DGKB: variants seen among roughly 807,000 people sequenced by gnomAD.
DGKB encodes 90 kDa diacylglycerol kinase.
A neutral mutation model predicts 114.3 loss-of-function variants in DGKB; 67 were observed. The observed-to-expected ratio is 0.59, with a 90% confidence interval of 0.48 to 0.72. DGKB has a LOEUF of 0.72. Ranked by LOEUF, DGKB falls within the 30% of genes least tolerant of loss-of-function variation. The probability of loss-of-function intolerance (pLI) is 0.00; values close to 1 mark genes in which losing one functional copy is unlikely to be tolerated. For synonymous variants in DGKB, 398 were observed against 323.1 expected (o/e 1.23, Z -2.49); for missense variants, 907 against 975.2 (o/e 0.93, Z 0.93).
In DGKB at chr7:14,598,146, A is replaced by G. The variant is rs374367926; in HGVS notation, c.1433+9288T>C. ...CACCTTCATCCAAATGAACTTCCAA[A>G]AAACTTTATTTAGAGTGCATGAATT... On this transcript the variant is annotated intron_variant, in intron 17 of 25. Coordinates refer to ENST00000402815, the MANE Select transcript of DGKB (RefSeq NM_001350709.2). Among the ~76,000 whole-genome samples, 250 of 152,280 alleles carry G rather than the reference A, an allele frequency of 1.6e-3. 1 individual carries two copies. Among genetic ancestry groups the G allele is most frequent in the South Asian group, 8.1e-3 (39 of 4,826 alleles).
chr7:14,567,486 A>AAT, intron 20 of DGKB, among the ~76,000 whole-genome samples: 2 of 73,922 alleles, frequency 2.7e-5, no homozygotes, highest in African/African-American at 5.2e-5. Context: ...ATATATATTT[A>AAT]TATATTATAT....
intron 2 of DGKB, among the ~76,000 whole-genome samples, chr7:14,839,472 G>A (rs1343099610): frequency 6.7e-6 from 1 of 149,174 alleles, no homozygotes; most frequent in East Asian, 2.0e-4. Flanking sequence ...TGGCACAATG[G>A]CTCACTGCAG....
At chr7:14,712,548 G>C (rs982567347) in intron 6 of DGKB, among the ~76,000 whole-genome samples, 1 of 152,126 alleles carries the variant, frequency 6.6e-6, no homozygotes, top group African/African-American at 2.4e-5. Flanking sequence ...ACACATGCCT[G>C]TAATCCCAGC....
chr7:14,362,074 C>T (rs1472817460), intron 21 of DGKB, among the ~76,000 whole-genome samples: 1 of 151,944 alleles, frequency 6.6e-6, no homozygotes, highest in Non-Finnish European at 1.5e-5. Flanking sequence ...TTTAGATACG[C>T]TTTCTATACT....
At chr7:14,626,279 A>G (rs1308438938) in intron 14 of DGKB, among the ~76,000 whole-genome samples, 1 of 152,140 alleles carries the variant, frequency 6.6e-6, no homozygotes, top group Non-Finnish European at 1.5e-5. Context: ...TTTTTGTCCA[A>G]TCTCAGCATG....
At chr7:14,908,117 A>G (rs1470809262), upstream of DGKB, among the ~76,000 whole-genome samples, 1 of 152,216 alleles carries the variant, frequency 6.6e-6, no homozygotes, top group Non-Finnish European at 1.5e-5. Flanking sequence ...TCATCCACAC[A>G]GTGTTCCTGA....
chr7:14,227,933 A>G, intron 23 of DGKB, among the ~76,000 whole-genome samples: 1 of 152,184 alleles, frequency 6.6e-6, no homozygotes. Flanking sequence ...GTTTAGCAAG[A>G]TTTTTGTTAT....
intron 1 of DGKB, among the ~76,000 whole-genome samples, chr7:14,925,866 C>G (rs541377859): frequency 1.2e-5 from 1 of 80,324 alleles, no homozygotes; most frequent in Non-Finnish European, 2.7e-5. Flanking sequence ...ATAATTGGGT[C>G]CCCCCCCCAC....
chr7:14,854,539 A>G lies in DGKB; in HGVS notation c.-187-13089T>C, dbSNP rs945792103. Among the ~76,000 whole-genome samples, 6 of 152,308 alleles carry G rather than the reference A, an allele frequency of 3.9e-5. No individual in the cohort carries two copies. The East Asian group carries it at 1.2e-3, about 29-fold the overall frequency. On this transcript the variant is annotated intron_variant, in intron 1 of 25. Coordinates refer to ENST00000402815, the MANE Select transcript of DGKB (RefSeq NM_001350709.2). ...CATTAGATTCTCATAAGGAGTACAT[A>G]ACCTAGATTCTTCACATACACAGTT...
chr7:14,247,564 C>T (rs562790034), intron 23 of DGKB, among the ~76,000 whole-genome samples: 5 of 152,150 alleles, frequency 3.3e-5, no homozygotes, highest in South Asian at 2.1e-4. Flanking sequence ...GGTGATATCT[C>T]ATTGTGATTT....
intron 21 of DGKB, among the ~76,000 whole-genome samples, chr7:14,379,708 T>C (rs997575482): frequency 6.6e-6 from 1 of 152,122 alleles, no homozygotes; most frequent in Non-Finnish European, 1.5e-5. Flanking sequence ...TACAGGCACG[T>C]GCCACCACGC....
At chr7:14,492,245 A>G (rs1295654406) in intron 20 of DGKB, among the ~76,000 whole-genome samples, 9 of 152,048 alleles carry the variant, frequency 5.9e-5, no homozygotes, top group African/African-American at 2.2e-4. Context: ...TCCTATGGGC[A>G]GTAGAGAAAG....
At chr7:14,768,426 G>T (rs1299413899) in intron 2 of DGKB, among the ~76,000 whole-genome samples, 1 of 147,780 alleles carries the variant, frequency 6.8e-6, no homozygotes, top group African/African-American at 2.6e-5. Context: ...ACTCTTCCAG[G>T]TACAGCATTC....
chr7:14,873,010 G>C (rs1852713054), intron 1 of DGKB, among the ~76,000 whole-genome samples: 1 of 151,978 alleles, frequency 6.6e-6, no homozygotes, highest in East Asian at 1.9e-4. Flanking sequence ...TGCCTCCGAT[G>C]CCAAAGTGTA....
intron 21 of DGKB, among the ~76,000 whole-genome samples, chr7:14,398,367 C>A (rs911573802): frequency 2.6e-5 from 4 of 151,952 alleles, no homozygotes; most frequent in African/African-American, 9.7e-5. Context: ...TAATGAACAT[C>A]AGTAGGATCT....
chr7:14,643,011 G>C (rs769683134), intron 13 of DGKB, among the ~76,000 whole-genome samples: 1 of 152,100 alleles, frequency 6.6e-6, no homozygotes, highest in Non-Finnish European at 1.5e-5. Flanking sequence ...GAGGAACCTA[G>C]CACTCATCTC....
At chr7:14,581,621 G>C (rs1354793038) in intron 18 of DGKB, among the ~76,000 whole-genome samples, 1 of 152,104 alleles carries the variant, frequency 6.6e-6, no homozygotes, top group Non-Finnish European at 1.5e-5. Context: ...TTGAATCATT[G>C]CATGCCTTGA....
chr7:14,335,092 A>C (rs1179922572), intron 23 of DGKB, among the ~76,000 whole-genome samples: 1 of 152,210 alleles, frequency 6.6e-6, no homozygotes, highest in Non-Finnish European at 1.5e-5. Context: ...AGTCAACAGT[A>C]AAATTTCCAA....
At chr7:14,634,721 T>A (rs1810412056) in intron 13 of DGKB, among the ~76,000 whole-genome samples, 1 of 151,638 alleles carries the variant, frequency 6.6e-6, no homozygotes, top group Admixed American at 6.6e-5. Flanking sequence ...ACAGGTAAAG[T>A]TGTTCTCTCA....
Sources: allele counts gnomAD v4.1 joint callset (sites outside exome capture counted in the v4.1 genomes callset), GRCh38; gene constraint gnomAD v4.1.1; transcripts MANE v1.5; gene names NCBI Gene and HGNC (gene_info 2026-07-23, HGNC 2026-07-21).